Variants in SLC7A2 observed in about 807,000 individuals in gnomAD.
SLC7A2 encodes the protein cationic amino acid transporter 2.
A neutral mutation model predicts 58.9 loss-of-function variants in SLC7A2; 48 were observed. That is an observed-to-expected ratio of 0.82 (90% CI 0.65 to 1.04). SLC7A2 has a LOEUF of 1.04. Among genes scored for constraint, SLC7A2 ranks in the 50% least tolerant of loss-of-function variants. SLC7A2 has a pLI of 0.00. For synonymous variants in SLC7A2, 363 were observed against 314.5 expected (o/e 1.15, Z -1.63); for missense variants, 1,029 against 818.8 (o/e 1.26, Z -3.13).
At chr8:17,530,679 T>C (rs1801413949) in intron 2 of SLC7A2, among the ~76,000 whole-genome samples, 1 of 151,832 alleles carries the variant, frequency 6.6e-6, no homozygotes, top group South Asian at 2.1e-4. Context: ...TTCAAGCGTT[T>C]CTCCTGCCTC....
rs1803048402 is a variant in SLC7A2 at position 17,562,229 on chromosome 8, C to G, written c.1671+119C>G. 6.3e-6 allele frequency: 5 copies of G among 798,142 alleles called. No individual in the cohort carries two copies. In the Admixed American group the frequency reaches 1.8e-4, roughly 29 times the overall value. 49.4% of individuals were successfully genotyped at this position (798,142 alleles called of 1,614,324 possible). On this transcript the variant is annotated intron_variant, in intron 11 of 12. Transcript: ENST00000494857. Reference sequence around the variant, plus strand: ...TTTTTTTTTTTTGGAGATGGAATCTCTCTCTTTGTCACTCAGGCTGGAGTG... The same window carrying G: ...TTTTTTTTTTTTGGAGATGGAATCTGTCTCTTTGTCACTCAGGCTGGAGTG...
intron 10 of SLC7A2, 86 bp from the exon 11 acceptor site, chr8:17,561,858 T>C (rs1007015249): frequency 7.9e-7 from 1 of 1,258,350 alleles, no homozygotes; most frequent in Non-Finnish European, 1.1e-6. Context: ...CAGAAGTCAG[T>C]GTTTTATCAG....
intron 2 of SLC7A2, among the ~76,000 whole-genome samples, chr8:17,525,000 C>T (rs917369159): frequency 2.0e-5 from 3 of 152,164 alleles, no homozygotes; most frequent in African/African-American, 4.8e-5. Context: ...GCTCAGCTCT[C>T]TCCCTGCATC....
At chr8:17,516,714 C>G (rs1466787708) in intron 2 of SLC7A2, among the ~76,000 whole-genome samples, 1 of 152,222 alleles carries the variant, frequency 6.6e-6, no homozygotes, top group Non-Finnish European at 1.5e-5. Flanking sequence ...ATGACATGGT[C>G]TCCCAGACCC....
rs982563546 is a variant in SLC7A2 at position 17,562,967 on chromosome 8, C to G, written c.1672-636C>G. Among the ~76,000 whole-genome samples the G allele has an allele frequency of 2.4e-4, 36 of 151,920 alleles. 1 individual carries two copies. The highest frequency in any genetic ancestry group is 8.5e-4 in the African/African-American group (35 of 41,332). On this transcript the variant is annotated intron_variant, in intron 11 of 12. Transcript: ENST00000494857. ...TGTAGCCTGGGCAACATAGCGAGAC[C>G]CCATCTCTACAAAACAAACAAACAA...
intron 4 of SLC7A2, 51 bp downstream of exon 4, chr8:17,544,657 C>G: frequency 1.3e-6 from 2 of 1,534,736 alleles, no homozygotes; most frequent in Non-Finnish European, 1.8e-6. Context: ...CTATTTGTCT[C>G]AGGAAAATAG....
chr8:17,524,148 T>C (rs1173815951), intron 2 of SLC7A2, among the ~76,000 whole-genome samples: 2 of 152,176 alleles, frequency 1.3e-5, no homozygotes, highest in Admixed American at 6.5e-5. Context: ...ACTTTTACAC[T>C]GTTGGTGGGA....
At position 17,519,186 on chromosome 8, in the gene SLC7A2, C is replaced by G. The variant is rs150203111; in HGVS notation, c.-23+16884C>G. Among the ~76,000 whole-genome samples, 940 of 152,246 alleles carry G rather than the reference C, an allele frequency of 6.2e-3. 20 individuals are homozygous for G. The highest frequency in any genetic ancestry group is 6.4e-3 in the Non-Finnish European group (438 of 68,018). On this transcript the variant is annotated intron_variant, in intron 2 of 12. Coordinates refer to ENST00000494857, the MANE Select transcript of SLC7A2 (RefSeq NM_001370338.1). ...CTTAACCTCTTTAAGCATTGGTTTTCTCACCTATAAACTAGAGATAATAAA... is the reference window on the plus strand; with the variant it reads ...CTTAACCTCTTTAAGCATTGGTTTTGTCACCTATAAACTAGAGATAATAAA...
At chr8:17,559,886 G>A (rs772466751) in intron 9 of SLC7A2, among the ~76,000 whole-genome samples, 3 of 152,140 alleles carry the variant, frequency 2.0e-5, no homozygotes, top group East Asian at 3.9e-4. Flanking sequence ...TAGAAGAATC[G>A]GTAGGGAAGG....
At chr8:17,524,577 A>G (rs1801150852) in intron 2 of SLC7A2, among the ~76,000 whole-genome samples, 2 of 152,084 alleles carry the variant, frequency 1.3e-5, no homozygotes, top group South Asian at 2.1e-4. Flanking sequence ...AAACATTGTT[A>G]TGTTCTCAGT....
intron 11 of SLC7A2, 83 bp downstream of exon 11, chr8:17,562,193 T>C: frequency 8.7e-6 from 1 of 115,532 alleles, no homozygotes; most frequent in East Asian, 1.1e-4. Flanking sequence ...TTTTTTTTTT[T>C]TTTTTTTTTT....
intron 4 of SLC7A2, 135 bp from the exon 5 acceptor site, chr8:17,548,543 T>C (rs1205983725): frequency 1.4e-5 from 9 of 640,448 alleles, no homozygotes; most frequent in African/African-American, 5.5e-5. Context: ...GAGTAAGAAC[T>C]AGCAGTAGAG....
At chr8:17,528,815 A>C (rs1801323549) in intron 2 of SLC7A2, among the ~76,000 whole-genome samples, 1 of 152,168 alleles carries the variant, frequency 6.6e-6, no homozygotes, top group African/African-American at 2.4e-5. Flanking sequence ...TTCTTAGGGC[A>C]GAGTTAGACT....
At chr8:17,559,744 A>T (rs1227493770) in intron 9 of SLC7A2, among the ~76,000 whole-genome samples, 1 of 152,160 alleles carries the variant, frequency 6.6e-6, no homozygotes, top group Non-Finnish European at 1.5e-5. Flanking sequence ...TTGGGTGGGG[A>T]CACAGCCAAA....
Position 17,568,241 on chromosome 8 carries a change from C to G in SLC7A2, c.*3095C>G, listed in dbSNP as rs1175029287. On this transcript the variant is annotated 3_prime_UTR_variant, in exon 13 of 13. Transcript: ENST00000494857. ...TTGTAATGGCACCTCAAATTTTATACTCTTAAAAAAAAACAATAATTTGTG... is the reference window on the plus strand; with the variant it reads ...TTGTAATGGCACCTCAAATTTTATAGTCTTAAAAAAAAACAATAATTTGTG... The G allele has an allele frequency of 6.6e-6, 1 of 151,524 alleles. No individual in the cohort carries two copies. Among genetic ancestry groups the G allele is most frequent in the African/African-American group, 2.4e-5 (1 of 41,296 alleles). The allele number at this position is 151,524 out of a possible 1,614,324, so 9.4% of individuals were successfully genotyped here.
chr8:17,553,049 G>A (rs1269262433), intron 7 of SLC7A2, among the ~76,000 whole-genome samples: 1 of 152,132 alleles, frequency 6.6e-6, no homozygotes, highest in Non-Finnish European at 1.5e-5. Context: ...CCATCTGCTA[G>A]TGTTGAGGTT....
chr8:17,501,438 A>G (rs1223826964), intron 1 of SLC7A2, among the ~76,000 whole-genome samples: 1 of 152,144 alleles, frequency 6.6e-6, no homozygotes, highest in Non-Finnish European at 1.5e-5. Flanking sequence ...GCTATTTTAG[A>G]GGCTGGATTT....
chr8:17,533,265 T>C (rs1237100308), intron 2 of SLC7A2, among the ~76,000 whole-genome samples: 9 of 152,356 alleles, frequency 5.9e-5, no homozygotes, highest in South Asian at 4.1e-4. Flanking sequence ...ATTGTTGCTG[T>C]GTTTTAAGAA....
At chr8:17,503,853 G>C (rs763401601) in intron 2 of SLC7A2, among the ~76,000 whole-genome samples, 2 of 152,186 alleles carry the variant, frequency 1.3e-5, no homozygotes, top group Non-Finnish European at 2.9e-5. Flanking sequence ...CTTTAATTCA[G>C]TTGTGATTTA....
Sources: allele counts gnomAD v4.1 joint callset (sites outside exome capture counted in the v4.1 genomes callset), GRCh38; gene constraint gnomAD v4.1.1; transcripts MANE v1.5; gene names NCBI Gene and HGNC (gene_info 2026-07-23, HGNC 2026-07-21).